Variants in DNAH3 observed in about 807,000 individuals in gnomAD.
The protein encoded by DNAH3 is dynein axonemal heavy chain 3.
Under a neutral mutation model 432.5 loss-of-function variants are expected in DNAH3, and 332 were observed. The observed-to-expected ratio is 0.77, with a 90% CI of 0.70 to 0.84. The LOEUF (loss-of-function observed/expected upper bound fraction) is 0.84, where lower values mean the gene tolerates loss of function less well. Ranked by LOEUF, DNAH3 falls within the 40% of genes least tolerant of loss-of-function variation. The probability of loss-of-function intolerance (pLI) is 0.00; values close to 1 mark genes in which losing one functional copy is unlikely to be tolerated. For missense variants in DNAH3, 4,861 were observed against 5,114.0 expected, an observed-to-expected ratio of 0.95 and a Z score of 1.51; for synonymous variants, 1,956 against 1,900.2, an observed-to-expected ratio of 1.03 and a Z score of -0.76.
chr16:21,039,214 C>CTTTTTTT lies in DNAH3; in HGVS notation c.4730+631_4730+637dup, dbSNP rs200708542. Among the ~76,000 whole-genome samples, 90 of 125,934 alleles carry CTTTTTTT rather than the reference C, an allele frequency of 7.1e-4. 4 individuals carry two copies. The highest frequency in any genetic ancestry group is 2.7e-3 in the African/African-American group (87 of 31,686). 82.6% of individuals were successfully genotyped at this position (125,934 alleles called of 152,430 possible). ...TAATTGCATATGTTTTATAGTGTTGCTTTTTTTTTTTTTTTTTTTTTTGAG... is the reference window on the plus strand; with the variant it reads ...TAATTGCATATGTTTTATAGTGTTGCTTTTTTTTTTTTTTTTTTTTTTTTTTTTTGAG... On this transcript the variant is annotated intron_variant, in intron 33 of 61. Coordinates refer to ENST00000261383, the Ensembl canonical transcript of DNAH3.
At chr16:21,123,182 C>T (rs2092379773) in intron 9 of DNAH3, among the ~76,000 whole-genome samples, 1 of 151,654 alleles carries the variant, frequency 6.6e-6, no homozygotes, top group South Asian at 2.1e-4. Flanking sequence ...TTATTTTAGA[C>T]ACTCAAAATG....
intron 25 of DNAH3, among the ~76,000 whole-genome samples, 158 bp from the exon 26 acceptor site, chr16:21,060,514 CTTTTTTTT>C (rs369321873): frequency 3.9e-5 from 5 of 127,280 alleles, no homozygotes; most frequent in Non-Finnish European, 6.5e-5. Context: ...TTCTTTTTTT[CTTTTTTTT>C]TTTCTTTTTT....
At chr16:21,013,767 G>C in intron 41 of DNAH3, among the ~76,000 whole-genome samples, 1 of 148,056 alleles carries the variant, frequency 6.8e-6, no homozygotes, top group Non-Finnish European at 1.5e-5. Context: ...CAGGCCATCA[G>C]TACTGATTCA....
At chr16:21,084,560 G>A (rs975316307) in intron 19 of DNAH3, among the ~76,000 whole-genome samples, 6 of 152,104 alleles carry the variant, frequency 3.9e-5, no homozygotes, top group Non-Finnish European at 7.3e-5. Context: ...GGGCTCAAGC[G>A]ATCCACTTGC....
At chr16:20,998,094 T>G (rs1331177475) in intron 43 of DNAH3, among the ~76,000 whole-genome samples, 1 of 152,110 alleles carries the variant, frequency 6.6e-6, no homozygotes, top group Non-Finnish European at 1.5e-5. Flanking sequence ...AAATAGATTG[T>G]CTACTATGTG....
chr16:20,984,422 A>G (rs995214532), intron 48 of DNAH3, among the ~76,000 whole-genome samples: 1 of 152,128 alleles, frequency 6.6e-6, no homozygotes, highest in African/African-American at 2.4e-5. Flanking sequence ...GAGGTAACAG[A>G]CAGGACTTGG....
chr16:21,076,660 G>T (rs1274242611), intron 20 of DNAH3, among the ~76,000 whole-genome samples: 1 of 152,092 alleles, frequency 6.6e-6, no homozygotes, highest in Non-Finnish European at 1.5e-5. Flanking sequence ...GAATAAGGAA[G>T]TTCCCTCTGC....
intron 52 of DNAH3, 75 bp from the exon 53 acceptor site, chr16:20,965,500 C>CAGAA: frequency 4.6e-6 from 6 of 1,291,268 alleles, no homozygotes; most frequent in Non-Finnish European, 6.2e-6. Flanking sequence ...GTGGTTACTG[C>CAGAA]TGGTATTTGA....
chr16:20,948,567 C>G, exon 57 of DNAH3: 1 of 1,614,102 alleles, frequency 6.2e-7, no homozygotes, highest in African/African-American at 1.3e-5. Context: ...TACAGTAGAA[C>G]ATGGACAGAA....
At chr16:21,080,290 C>T (rs2091136990) in intron 20 of DNAH3, among the ~76,000 whole-genome samples, 1 of 152,116 alleles carries the variant, frequency 6.6e-6, no homozygotes, top group Non-Finnish European at 1.5e-5. Context: ...AAGTGAGACT[C>T]CGTCTCCAAA....
At position 21,089,225 on chromosome 16, in the gene DNAH3, C is replaced by G. The variant is rs12927179; in HGVS notation, c.2666-2165G>C. On this transcript the variant is annotated intron_variant, in intron 18 of 61. Coordinates refer to ENST00000261383, the Ensembl canonical transcript of DNAH3. ...TGAGAATGCTGCTTTGTCCTGGAAC[C>G]ATACCTTGAAAGCCACTGCAGGGGA... Among the ~76,000 whole-genome samples, 1,229 of 152,282 alleles carry G rather than the reference C, an allele frequency of 8.1e-3. 13 individuals are homozygous for G. Among genetic ancestry groups the G allele is most frequent in the Non-Finnish European group, 0.012 (830 of 68,026 alleles).
At chr16:21,013,719 C>CAAAAAAAAAAAAAAAAAAAAAATAAA (rs557641711) in intron 41 of DNAH3, among the ~76,000 whole-genome samples, 1 of 47,426 alleles carries the variant, frequency 2.1e-5, no homozygotes, top group Non-Finnish European at 4.1e-5. Context: ...AACTCCATCT[C>CAAAAAAAAAAAAAAAAAAAAAATAAA]AAAAAAAAAA....
chr16:20,975,411 G>A (rs372944277), exon 51 of DNAH3: 11 of 1,613,236 alleles, frequency 6.8e-6, no homozygotes, highest in African/African-American at 2.7e-5. Flanking sequence ...TTGCATAACC[G>A]CTACCTAGCA....
exon 53 of DNAH3, chr16:20,963,978 G>A (rs754276960): frequency 1.9e-6 from 3 of 1,614,132 alleles, no homozygotes; most frequent in Non-Finnish European, 2.5e-6. Flanking sequence ...AGAAGATGGT[G>A]GCAGAATGCA....
chr16:20,964,566 G>A (rs1404684606), exon 53 of DNAH3: 1 of 1,614,032 alleles, frequency 6.2e-7, no homozygotes, highest in Non-Finnish European at 8.5e-7. Flanking sequence ...TGCTATCAGA[G>A]AACTTGATGA....
intron 14 of DNAH3, among the ~76,000 whole-genome samples, chr16:21,111,361 C>T (rs1234663912): frequency 6.6e-6 from 1 of 152,096 alleles, no homozygotes; most frequent in Non-Finnish European, 1.5e-5. Flanking sequence ...CCTGAATTTG[C>T]CTGCAAGAAG....
chr16:20,983,585 C>T (rs112059226), intron 48 of DNAH3, among the ~76,000 whole-genome samples: 4 of 152,136 alleles, frequency 2.6e-5, no homozygotes, highest in African/African-American at 9.6e-5. Flanking sequence ...GTGAGGTCAT[C>T]TGCTTGTTTC....
intron 49 of DNAH3, among the ~76,000 whole-genome samples, chr16:20,982,240 T>C (rs1015022926): frequency 1.3e-5 from 2 of 151,876 alleles, no homozygotes; most frequent in African/African-American, 4.8e-5. Context: ...AAAAATTAGC[T>C]GGACGTGATG....
intron 41 of DNAH3, among the ~76,000 whole-genome samples, chr16:21,017,513 C>G (rs1223869848): frequency 6.6e-6 from 1 of 152,214 alleles, no homozygotes; most frequent in African/African-American, 2.4e-5. Context: ...CTCCCCACTT[C>G]AAGTTGTCCC....
Sources: allele counts gnomAD v4.1 joint callset (sites outside exome capture counted in the v4.1 genomes callset), GRCh38; gene constraint gnomAD v4.1.1; transcripts MANE v1.5; gene names NCBI Gene and HGNC (gene_info 2026-07-23, HGNC 2026-07-21).